The following ENDOV variants were observed in gnomAD, a reference collection of about 807,000 sequenced individuals.
ENDOV encodes endonuclease V.
In ENDOV, 37 loss-of-function variants were observed where a neutral mutation model predicts 39.4. The observed-to-expected ratio is 0.94, with a 90% CI of 0.72 to 1.23. ENDOV has a LOEUF of 1.23. ENDOV is among the 50% of genes most tolerant of loss of function. ENDOV has a pLI of 0.00. For missense variants in ENDOV, 441 were observed against 375.7 expected, an observed-to-expected ratio of 1.17 and a Z score of -1.44; for synonymous variants, 186 against 163.4, an observed-to-expected ratio of 1.14 and a Z score of -1.05.
chr17:80,422,934 C>T (rs947476095), intron 4 of ENDOV, among the ~76,000 whole-genome samples: 1 of 152,120 alleles, frequency 6.6e-6, no homozygotes, highest in Non-Finnish European at 1.5e-5. Flanking sequence ...CTCCTGACCT[C>T]GTGATCCGCC....
chr17:80,431,773 G>A (rs538686611), intron 9 of ENDOV, among the ~76,000 whole-genome samples: 1 of 152,330 alleles, frequency 6.6e-6, no homozygotes, highest in South Asian at 2.1e-4. Context: ...CCTTCCCACC[G>A]AAAGGGGCAG....
chr17:80,429,272 G>T (rs77383743), intron 8 of ENDOV, among the ~76,000 whole-genome samples: 1 of 152,196 alleles, frequency 6.6e-6, no homozygotes, highest in East Asian at 1.9e-4. Context: ...AGGAGGCTGG[G>T]ACACTGAGTG....
intron 9 of ENDOV, among the ~76,000 whole-genome samples, chr17:80,435,771 C>T (rs531321973): frequency 1.0e-3 from 154 of 150,612 alleles, no homozygotes; most frequent in South Asian, 1.7e-3. Context: ...CCCGCCACCA[C>T]GCCCAGCTAA....
rs1252461389 is a variant in ENDOV at position 80,437,708 on chromosome 17, C to G, written c.*1565C>G. 6.6e-6 allele frequency: 1 copy of G among 152,172 alleles called. No individual in the cohort carries two copies. The highest frequency in any genetic ancestry group is 2.4e-5 in the African/African-American group (1 of 41,412). 9.4% of individuals were successfully genotyped at this position (152,172 alleles called of 1,614,324 possible). Reference sequence around the variant, plus strand: ...GCTCTCCAGAGAGACGCTTTGAAAACAAAACAGGAAAGAACACACGGCCCC... The same window carrying G: ...GCTCTCCAGAGAGACGCTTTGAAAAGAAAACAGGAAAGAACACACGGCCCC... On this transcript the variant is annotated 3_prime_UTR_variant, in exon 10 of 10. Transcript: ENST00000518137.
intron 2 of ENDOV, chr17:80,417,614 C>A (rs541104748): frequency 6.6e-6 from 1 of 152,326 alleles, no homozygotes; most frequent in Admixed American, 6.5e-5. Context: ...CACTCACCTC[C>A]CTAGAGGCCC....
chr17:80,433,098 T>G, intron 9 of ENDOV: 1 of 519,996 alleles, frequency 1.9e-6, no homozygotes, highest in South Asian at 1.4e-5. Context: ...TCTAGAGCTT[T>G]CCCTGTCCAG....
intron 9 of ENDOV, among the ~76,000 whole-genome samples, chr17:80,430,758 G>A (rs41301884): frequency 0.061 from 9,273 of 152,254 alleles, 918 homozygotes; most frequent in African/African-American, 0.21. Flanking sequence ...ATCGGGGGTG[G>A]CACCGTCCCC....
chr17:80,428,754 T>C, intron 8 of ENDOV, 94 bp downstream of exon 8: 4 of 1,276,312 alleles, frequency 3.1e-6, no homozygotes, highest in Non-Finnish European at 4.4e-6. Context: ...TGTTGCAATA[T>C]TGTGGCTCAG....
At chr17:80,429,710 T>G (rs1264215626) in intron 8 of ENDOV, 63 bp from the exon 9 acceptor site, 1 of 1,472,184 alleles carries the variant, frequency 6.8e-7, no homozygotes, top group Non-Finnish European at 9.2e-7. Flanking sequence ...CCATCTGGGG[T>G]GTGAGGGGGT....
At position 80,436,170 on chromosome 17, in the gene ENDOV, G is replaced by A. The variant is rs41303550; in HGVS notation, c.*27G>A. The A allele has an allele frequency of 1.0e-3, 1,652 of 1,594,206 alleles. 8 individuals are homozygous for A. The African/African-American group carries it at 0.017, about 16-fold the overall frequency. On this transcript the variant is annotated 3_prime_UTR_variant, in exon 10 of 10. Transcript: ENST00000518137. The stretch of plus-strand genomic sequence containing the variant: ...CGTGGTGGTGAGAGCACACGTCCTC[G>A]TCTCATTCCTGATCGAACGCGGTGG...
chr17:80,427,145 T>C (rs1228210961), intron 7 of ENDOV, among the ~76,000 whole-genome samples: 3 of 152,234 alleles, frequency 2.0e-5, no homozygotes, highest in Non-Finnish European at 2.9e-5. Flanking sequence ...TCCACAGCCT[T>C]GCAGGGCTTT....
chr17:80,420,110 T>A (rs1457756209), intron 2 of ENDOV: 1 of 189,382 alleles, frequency 5.3e-6, no homozygotes, highest in Non-Finnish European at 1.1e-5. Flanking sequence ...TGTGTGCGTG[T>A]GTACCGTACA....
intron 7 of ENDOV, among the ~76,000 whole-genome samples, chr17:80,426,947 C>A (rs1408758480): frequency 6.6e-6 from 1 of 152,276 alleles, no homozygotes; most frequent in Non-Finnish European, 1.5e-5. Flanking sequence ...TCTTACCCCA[C>A]CGCTTGCCCT....
At chr17:80,421,524 G>A (rs1282395266) in intron 2 of ENDOV, among the ~76,000 whole-genome samples, 1 of 145,774 alleles carries the variant, frequency 6.9e-6, no homozygotes, top group Non-Finnish European at 1.5e-5. Flanking sequence ...GTCCCGGTGG[G>A]GGCGGGGTGG....
intron 9 of ENDOV, 38 bp downstream of exon 9, chr17:80,429,869 C>T: frequency 1.2e-6 from 2 of 1,612,652 alleles, no homozygotes; most frequent in Non-Finnish European, 1.7e-6. Context: ...GCCCAGGCCC[C>T]AGGACAGCCC....
Position 80,433,677 on chromosome 17 carries a change from C to T in ENDOV, c.839-2456C>T, listed in dbSNP as rs537716758. ...GCACAAAGAGCAGTAGCTTCAACCCCAATGACCCACCTCTGTGAGGGGGGC... is the reference window on the plus strand; with the variant it reads ...GCACAAAGAGCAGTAGCTTCAACCCTAATGACCCACCTCTGTGAGGGGGGC... On this transcript the variant is annotated intron_variant, in intron 9 of 9. Transcript: ENST00000518137. Among the ~76,000 whole-genome samples, 3 of 152,334 alleles carry T rather than the reference C, an allele frequency of 2.0e-5. No individual in the cohort carries two copies. The East Asian group carries it at 5.8e-4, about 29-fold the overall frequency.
intron 5 of ENDOV, 98 bp from the exon 6 acceptor site, chr17:80,424,934 A>G (rs41299832): frequency 0.013 from 13,505 of 1,013,150 alleles, 125 homozygotes; most frequent in Non-Finnish European, 0.018. Context: ...CAGCCTGGGC[A>G]ACAGTGCGAC....
intron 9 of ENDOV, among the ~76,000 whole-genome samples, chr17:80,431,562 C>T (rs1347126085): frequency 6.6e-6 from 1 of 152,212 alleles, no homozygotes; most frequent in African/African-American, 2.4e-5. Context: ...CCATCGGCAA[C>T]GCTGGCCGGA....
At chr17:80,427,810 A>G (rs993041122) in intron 7 of ENDOV, 6 of 1,288,376 alleles carry the variant, frequency 4.7e-6, no homozygotes, top group Non-Finnish European at 6.1e-6. Flanking sequence ...TGCCAGGTCC[A>G]GGCTCTCCTG....
Sources: allele counts gnomAD v4.1 joint callset (sites outside exome capture counted in the v4.1 genomes callset), GRCh38; gene constraint gnomAD v4.1.1; transcripts MANE v1.5; gene names NCBI Gene and HGNC (gene_info 2026-07-23, HGNC 2026-07-21).